PDGFC: variants seen among roughly 807,000 people sequenced by gnomAD.
PDGFC encodes platelet derived growth factor C.
Under a neutral mutation model 35.5 loss-of-function variants are expected in PDGFC, and 12 were observed. The ratio of observed to expected loss-of-function variants is 0.34; its 90% CI spans 0.22 to 0.55. The LOEUF is 0.55. Among genes scored for constraint, PDGFC ranks in the 20% least tolerant of loss-of-function variants. PDGFC has a pLI of 0.91. For missense variants in PDGFC, 322 were observed against 412.4 expected (o/e 0.78, Z 1.90); for synonymous variants, 159 against 148.8 (o/e 1.07, Z -0.50).
intron 1 of PDGFC, among the ~76,000 whole-genome samples, chr4:156,892,925 T>C (rs1730548054): frequency 1.3e-5 from 2 of 152,316 alleles, no homozygotes; most frequent in Non-Finnish European, 2.9e-5. Flanking sequence ...GACCTTCCTA[T>C]TAAGTGCACT....
intron 2 of PDGFC, among the ~76,000 whole-genome samples, chr4:156,825,022 G>T (rs1732402520): frequency 6.6e-6 from 1 of 152,116 alleles, no homozygotes; most frequent in African/African-American, 2.4e-5. Context: ...CCGCATTATT[G>T]AAAGAAATTT....
At chr4:156,773,334 T>G (rs1433457532) in intron 3 of PDGFC, among the ~76,000 whole-genome samples, 5 of 152,158 alleles carry the variant, frequency 3.3e-5, no homozygotes, top group Non-Finnish European at 5.9e-5. Context: ...CCAAAAGATC[T>G]AGAACAAAAT....
rs1184075818 is a variant in PDGFC at position 156,971,161 on chromosome 4, C to T, written c.-258G>A. On this transcript the variant is annotated 5_prime_UTR_variant, in exon 1 of 6. Transcript: ENST00000502773. ...CCAGTTTCCCAAGGTTTAAACAAAT[C>T]CTGAGCTGTGGCGAAGTGGTGGGGG... 3 of 418,416 alleles carry T rather than the reference C, an allele frequency of 7.2e-6. No individual in the cohort carries two copies. The highest frequency in any genetic ancestry group is 1.3e-5 in the Non-Finnish European group (3 of 237,086). 25.9% of individuals were successfully genotyped at this position (418,416 alleles called of 1,614,324 possible). A position where few individuals can be genotyped will look rare whatever the true frequency, so the allele number is the denominator to read the frequency against.
intron 1 of PDGFC, among the ~76,000 whole-genome samples, chr4:156,874,865 C>T (rs1246584679): frequency 6.6e-6 from 1 of 151,858 alleles, no homozygotes; most frequent in African/African-American, 2.4e-5. Flanking sequence ...TACAGGTTCA[C>T]CTCATGATGC....
chr4:156,837,687 C>T (rs968563667), intron 2 of PDGFC, among the ~76,000 whole-genome samples: 1 of 151,946 alleles, frequency 6.6e-6, no homozygotes, highest in Non-Finnish European at 1.5e-5. Flanking sequence ...GATCTTTGTG[C>T]AATATCAAAC....
chr4:156,895,382 C>A (rs1381930013), intron 1 of PDGFC, among the ~76,000 whole-genome samples: 2 of 152,026 alleles, frequency 1.3e-5, no homozygotes, highest in Admixed American at 6.6e-5. Context: ...TACCTGTAAT[C>A]CCAGCACTTT....
At chr4:156,879,074 G>A (rs1730182227) in intron 1 of PDGFC, among the ~76,000 whole-genome samples, 1 of 152,168 alleles carries the variant, frequency 6.6e-6, no homozygotes, top group South Asian at 2.1e-4. Flanking sequence ...GGTACTGTCA[G>A]TTGTCTTATG....
At chr4:156,801,248 C>A (rs2110914546) in intron 3 of PDGFC, among the ~76,000 whole-genome samples, 1 of 152,176 alleles carries the variant, frequency 6.6e-6, no homozygotes, top group African/African-American at 2.4e-5. Flanking sequence ...TCAGCAGCAC[C>A]CATTCCCTTG....
intron 1 of PDGFC, among the ~76,000 whole-genome samples, chr4:156,918,406 G>A (rs963375472): frequency 3.3e-5 from 5 of 152,272 alleles, no homozygotes; most frequent in East Asian, 1.9e-4. Context: ...AAGGTGAAAC[G>A]GGGAATTAGA....
chr4:156,823,410 T>A (rs1732325193), intron 2 of PDGFC, among the ~76,000 whole-genome samples: 1 of 152,218 alleles, frequency 6.6e-6, no homozygotes, highest in South Asian at 2.1e-4. Flanking sequence ...TTTAGCATAG[T>A]GCCTAGCAAT....
intron 1 of PDGFC, among the ~76,000 whole-genome samples, chr4:156,932,167 T>G (rs1311956784): frequency 6.6e-6 from 1 of 152,198 alleles, no homozygotes; most frequent in African/African-American, 2.4e-5. Flanking sequence ...TTTACACTTT[T>G]AAGGGATTTT....
chr4:156,874,658 G>A (rs1730065545), intron 1 of PDGFC, among the ~76,000 whole-genome samples: 1 of 151,978 alleles, frequency 6.6e-6, no homozygotes, highest in Non-Finnish European at 1.5e-5. Context: ...ATCTTCCCTT[G>A]AATTGCCTCT....
chr4:156,858,616 T>C (rs1729638800), intron 1 of PDGFC, among the ~76,000 whole-genome samples: 1 of 152,054 alleles, frequency 6.6e-6, no homozygotes, highest in Non-Finnish European at 1.5e-5. Flanking sequence ...ACCTTAAAGG[T>C]TCACTATTGA....
At chr4:156,806,351 T>C (rs1265590231) in intron 3 of PDGFC, among the ~76,000 whole-genome samples, 2 of 152,056 alleles carry the variant, frequency 1.3e-5, no homozygotes, top group Non-Finnish European at 2.9e-5. Context: ...TAAACTGATA[T>C]ACTCATTAAA....
intron 1 of PDGFC, among the ~76,000 whole-genome samples, chr4:156,958,933 A>G (rs1022097911): frequency 6.6e-6 from 1 of 152,096 alleles, no homozygotes; most frequent in African/African-American, 2.4e-5. Flanking sequence ...GCAGAGTGAC[A>G]GTAACTATAA....
intron 1 of PDGFC, among the ~76,000 whole-genome samples, chr4:156,898,159 G>C (rs1181431954): frequency 6.6e-6 from 1 of 152,070 alleles, no homozygotes; most frequent in African/African-American, 2.4e-5. Flanking sequence ...AAGAAACCCA[G>C]AGAGCTCACT....
chr4:156,779,254 G>A (rs749888937), intron 3 of PDGFC: 33 of 443,448 alleles, frequency 7.4e-5, no homozygotes, highest in Non-Finnish European at 1.3e-4. Flanking sequence ...AAAGTTATCT[G>A]GGTCATGTTT....
At chr4:156,920,276 T>C (rs1057290730) in intron 1 of PDGFC, among the ~76,000 whole-genome samples, 4 of 152,212 alleles carry the variant, frequency 2.6e-5, no homozygotes, top group African/African-American at 9.6e-5. Flanking sequence ...TTGTTTTGAA[T>C]TGTTATTACA....
chr4:156,770,268 A>G (rs1730658896), intron 4 of PDGFC: 1 of 152,032 alleles, frequency 6.6e-6, no homozygotes, highest in Admixed American at 6.6e-5. Context: ...GCAAGGTATG[A>G]ATGAAAACCC....
Sources: gnomAD v4.1 joint callset for allele counts (sites outside exome capture counted in the v4.1 genomes callset) on GRCh38, gnomAD v4.1.1 for gene constraint, MANE v1.5 for transcripts, NCBI Gene and HGNC (gene_info 2026-07-23, HGNC 2026-07-21) for gene names.